Variants in NRXN1 observed in about 807,000 individuals in gnomAD.
The protein encoded by NRXN1 is neurexin 1, also known as neurexin-1.
Under a neutral mutation model 150.9 loss-of-function variants are expected in NRXN1, and 39 were observed. The ratio of observed to expected loss-of-function variants is 0.26; its 90% CI spans 0.20 to 0.34. The LOEUF is 0.34. Among genes scored for constraint, NRXN1 ranks in the 10% least tolerant of loss-of-function variants. The pLI is 1.00. For missense variants in NRXN1, 1,815 were observed against 1,949.9 expected (o/e 0.93, Z 1.30); for synonymous variants, 924 against 757.0 (o/e 1.22, Z -3.62).
At chr2:50,029,017 A>G (rs1313278211) in intron 21 of NRXN1, among the ~76,000 whole-genome samples, 2 of 152,218 alleles carry the variant, frequency 1.3e-5, no homozygotes, top group Non-Finnish European at 2.9e-5. Flanking sequence ...CCAAATTCAT[A>G]TGTTGAAACC....
intron 8 of NRXN1, among the ~76,000 whole-genome samples, chr2:50,574,247 A>G (rs891033115): frequency 6.6e-6 from 1 of 152,172 alleles, no homozygotes; most frequent in African/African-American, 2.4e-5. Context: ...AACCAATAGA[A>G]GTAGAATAAA....
chr2:50,588,648 T>G (rs1030181891), intron 8 of NRXN1: 1 of 152,168 alleles, frequency 6.6e-6, no homozygotes, highest in African/African-American at 2.4e-5. Context: ...GAGTCTTAAT[T>G]TTCTCAGATT....
At chr2:50,659,121 G>T (rs186787507) in intron 5 of NRXN1, among the ~76,000 whole-genome samples, 138 of 152,128 alleles carry the variant, frequency 9.1e-4, no homozygotes, top group African/African-American at 3.2e-3. Flanking sequence ...GAGACAGCAT[G>T]AGGTATGACT....
At chr2:50,530,610 G>A (rs958784980) in intron 11 of NRXN1, among the ~76,000 whole-genome samples, 2 of 152,064 alleles carry the variant, frequency 1.3e-5, no homozygotes, top group African/African-American at 2.4e-5. Flanking sequence ...TTCTGTAGAA[G>A]AGCCTGTGTC....
At chr2:50,182,641 C>T (rs935899768) in intron 18 of NRXN1, among the ~76,000 whole-genome samples, 1 of 152,018 alleles carries the variant, frequency 6.6e-6, no homozygotes, top group Non-Finnish European at 1.5e-5. Context: ...GTCTTAAAAC[C>T]TGCTCATTCC....
intron 17 of NRXN1, among the ~76,000 whole-genome samples, chr2:50,321,440 G>C (rs2152974600): frequency 6.6e-6 from 1 of 152,262 alleles, no homozygotes; most frequent in Middle Eastern, 3.4e-3. Context: ...GATATAGAAA[G>C]ATTCACCTTT....
chr2:49,974,283 G>A (rs1434197525), intron 21 of NRXN1: 1 of 563,742 alleles, frequency 1.8e-6, no homozygotes, highest in Non-Finnish European at 3.4e-6. Context: ...TCCGTCTGCA[G>A]TTGACGAGGC....
At chr2:50,218,190 C>T (rs569883698) in intron 18 of NRXN1, among the ~76,000 whole-genome samples, 4 of 152,154 alleles carry the variant, frequency 2.6e-5, no homozygotes, top group South Asian at 2.1e-4. Flanking sequence ...GGAGAGTTTT[C>T]ACTATTCAAG....
At chr2:50,145,682 C>G (rs975588331) in intron 18 of NRXN1, among the ~76,000 whole-genome samples, 2 of 151,594 alleles carry the variant, frequency 1.3e-5, no homozygotes, top group Non-Finnish European at 3.0e-5. Context: ...GTGACAACTC[C>G]CATTCATCTT....
At chr2:50,082,649 A>C (rs780249262) in intron 19 of NRXN1, among the ~76,000 whole-genome samples, 7 of 152,250 alleles carry the variant, frequency 4.6e-5, no homozygotes, top group East Asian at 1.9e-4. Context: ...ATGTTTCAAA[A>C]TATATTTAAC....
At chr2:50,035,742 A>T (rs1023382961) in intron 21 of NRXN1, among the ~76,000 whole-genome samples, 5 of 152,148 alleles carry the variant, frequency 3.3e-5, no homozygotes, top group Non-Finnish European at 5.9e-5. Context: ...CTTTTAATCA[A>T]GACAGAAATA....
At chr2:50,681,591 C>T (rs1298178707) in intron 5 of NRXN1, among the ~76,000 whole-genome samples, 1 of 152,004 alleles carries the variant, frequency 6.6e-6, no homozygotes, top group African/African-American at 2.4e-5. Flanking sequence ...ATGTATCAAC[C>T]CACATTAGTA....
intron 18 of NRXN1, among the ~76,000 whole-genome samples, chr2:50,184,846 C>T (rs992006941): frequency 1.3e-5 from 2 of 152,028 alleles, no homozygotes; most frequent in Admixed American, 6.6e-5. Context: ...CGACATTTTG[C>T]TAACAGTGGA....
chr2:50,035,798 C>T (rs1423218082), intron 21 of NRXN1, among the ~76,000 whole-genome samples: 2 of 152,204 alleles, frequency 1.3e-5, no homozygotes, highest in African/African-American at 4.8e-5. Flanking sequence ...GGAACTCCTC[C>T]ATGGTTCCAA....
intron 19 of NRXN1, among the ~76,000 whole-genome samples, chr2:50,077,049 G>T (rs1165652480): frequency 6.6e-6 from 1 of 152,152 alleles, no homozygotes; most frequent in African/African-American, 2.4e-5. Flanking sequence ...GCAAGTAAAT[G>T]AATCTCCCTG....
Position 50,012,561 on chromosome 2 carries a change from T to G in NRXN1, c.4128+40710A>C, listed in dbSNP as rs372320931. ...TTGAAAATTTTGTCCTGAAAGACTT[T>G]TCCACCTCCATTCATCTTACAGATC... is the stretch of plus-strand genomic sequence containing the variant. On this transcript the variant is annotated intron_variant, in intron 21 of 22. Transcript: ENST00000401669. 6.1e-4 allele frequency among the ~76,000 whole-genome samples: 93 copies of G among 152,248 alleles called. 2 individuals carry two copies. The South Asian group carries it at 0.014, about 23-fold the overall frequency.
intron 18 of NRXN1, among the ~76,000 whole-genome samples, chr2:50,181,306 C>A (rs1438813474): frequency 2.7e-5 from 3 of 109,404 alleles, no homozygotes; most frequent in Non-Finnish European, 4.0e-5. Context: ...CTTTAGGTTC[C>A]TCTGAGGCAA....
At chr2:50,379,102 G>A (rs1332810288) in intron 17 of NRXN1, among the ~76,000 whole-genome samples, 6 of 151,906 alleles carry the variant, frequency 3.9e-5, no homozygotes, top group Non-Finnish European at 8.8e-5. Context: ...TTTGAACAGA[G>A]GAGAGGGATA....
chr2:51,028,453 G>C lies in NRXN1; in HGVS notation c.-180C>G. The C allele has an allele frequency of 2.2e-6, 1 of 460,046 alleles. No individual in the cohort carries two copies. Among genetic ancestry groups the C allele is most frequent in the Non-Finnish European group, 3.8e-6 (1 of 264,346 alleles). 28.5% of individuals were successfully genotyped at this position (460,046 alleles called of 1,614,324 possible). On this transcript the variant is annotated 5_prime_UTR_variant, in exon 2 of 23. Coordinates refer to ENST00000401669, the MANE Select transcript of NRXN1 (RefSeq NM_001330078.2). ...TTCTTCTTCTTCTTCCAATAACCCC[G>C]CCCTCTCTCCCTGTAGTCCTCTTCC...
Sources: allele counts gnomAD v4.1 joint callset (sites outside exome capture counted in the v4.1 genomes callset), GRCh38; gene constraint gnomAD v4.1.1; transcripts MANE v1.5; gene names NCBI Gene and HGNC (gene_info 2026-07-23, HGNC 2026-07-21).